The following PLCH1 variants were observed in gnomAD, a reference collection of about 807,000 sequenced individuals.
PLCH1 encodes the protein phospholipase C eta 1.
In PLCH1, 60 loss-of-function variants were observed where a neutral mutation model predicts 126.7. The ratio of observed to expected loss-of-function variants is 0.47; its 90% CI spans 0.38 to 0.59. The LOEUF (loss-of-function observed/expected upper bound fraction) is 0.59. PLCH1 is among the 20% of genes least tolerant of loss of function. PLCH1 has a pLI of 0.00. For synonymous variants in PLCH1, 719 were observed against 734.9 expected, an observed-to-expected ratio of 0.98 and a Z score of 0.35; for missense variants, 1,723 against 2,040.0, an observed-to-expected ratio of 0.84 and a Z score of 2.99.
At chr3:155,514,436 G>A (rs910415362) in intron 12 of PLCH1, among the ~76,000 whole-genome samples, 2 of 152,152 alleles carry the variant, frequency 1.3e-5, no homozygotes, top group Admixed American at 6.5e-5. Flanking sequence ...GACACAGTGG[G>A]CTGAAACTTC....
chr3:155,455,373 T>G (rs1017189139), intron 21 of PLCH1, among the ~76,000 whole-genome samples: 1 of 152,192 alleles, frequency 6.6e-6, no homozygotes, highest in Non-Finnish European at 1.5e-5. Context: ...TAGAAAATAG[T>G]CTTTCAGGTA....
chr3:155,646,288 A>C (rs936774156), intron 2 of PLCH1, among the ~76,000 whole-genome samples: 34 of 152,192 alleles, frequency 2.2e-4, no homozygotes, highest in African/African-American at 8.0e-4. Context: ...GACATCACCA[A>C]CCACCCACTG....
chr3:155,710,315 G>A (rs1214169961), intron 1 of PLCH1, among the ~76,000 whole-genome samples: 1 of 152,106 alleles, frequency 6.6e-6, no homozygotes, highest in Non-Finnish European at 1.5e-5. Flanking sequence ...TTAAAAAAAT[G>A]TATTTTGGAC....
At chr3:155,530,329 C>CT (rs764111486) in intron 10 of PLCH1, among the ~76,000 whole-genome samples, 4,030 of 142,782 alleles carry the variant, frequency 0.028, 60 homozygotes, top group Non-Finnish European at 0.04. Context: ...GGCTCCACTT[C>CT]TTTTTTTTTT....
At chr3:155,660,894 A>G (rs1403277992) in intron 2 of PLCH1, among the ~76,000 whole-genome samples, 1 of 152,246 alleles carries the variant, frequency 6.6e-6, no homozygotes, top group Non-Finnish European at 1.5e-5. Flanking sequence ...AAATTTACCA[A>G]ATAACAAAGG....
intron 1 of PLCH1, among the ~76,000 whole-genome samples, chr3:155,716,763 A>G (rs1232335345): frequency 2.0e-5 from 3 of 152,194 alleles, no homozygotes; most frequent in African/African-American, 4.8e-5. Flanking sequence ...TGGCCGGGAC[A>G]TGTATTCAAA....
In PLCH1 at chr3:155,505,959, G is replaced by C. The variant is rs547582789; in HGVS notation, c.1633-1333C>G. Among the ~76,000 whole-genome samples the C allele has an allele frequency of 5.3e-5, 8 of 151,252 alleles. No homozygotes were observed. The South Asian group carries it at 1.7e-3, about 32-fold the overall frequency. ...GTGAGTTCCTCTCTATTTCTAGTAG[G>C]GACTATGCCATTTATTATCCAAAAC... is the stretch of plus-strand genomic sequence containing the variant. On this transcript the variant is annotated intron_variant, in intron 12 of 22. Coordinates refer to ENST00000460012, the MANE Select transcript of PLCH1 (RefSeq NM_014996.4).
chr3:155,583,660 A>T lies in PLCH1; in HGVS notation c.601-18T>A. 6.5e-7 allele frequency: 1 copy of T among 1,528,380 alleles called. No homozygotes were observed. The highest frequency in any genetic ancestry group is 2.4e-5 in the Admixed American group (1 of 41,068). The allele number at this position is 1,528,380 out of a possible 1,614,324, so 94.7% of individuals were successfully genotyped here. On this transcript the variant is annotated intron_variant, in intron 5 of 22. Transcript: ENST00000460012. The stretch of plus-strand genomic sequence containing the variant: ...TCGGCTTCCTGAAAAGGGCATAGAG[A>T]AAATAAAGTAATATGAAAGTTAGAA...
intron 9 of PLCH1, among the ~76,000 whole-genome samples, chr3:155,553,024 T>TCCTTGGA (rs1433852461): frequency 6.6e-6 from 1 of 152,164 alleles, no homozygotes; most frequent in African/African-American, 2.4e-5. Flanking sequence ...GGGAGTAAGC[T>TCCTTGGA]CCTTAATGGC....
Position 155,513,612 on chromosome 3 carries a change from G to A in PLCH1, c.1632+1111C>T, listed in dbSNP as rs145835361. On this transcript the variant is annotated intron_variant, in intron 12 of 22. Transcript: ENST00000460012. ...GTGTTGAAAATAAATGGCTGGAGGC[G>A]AGGAGGGTGGAAAGATTGTTACTAT... 2.9e-3 allele frequency among the ~76,000 whole-genome samples: 448 copies of A among 152,314 alleles called. 3 individuals are homozygous for A. The highest frequency in any genetic ancestry group is 0.01 in the African/African-American group (420 of 41,566).
rs550049001 is a variant in PLCH1, at chr3:155,624,710, G to A, written c.80-28332C>T. 3.3e-5 allele frequency among the ~76,000 whole-genome samples: 5 copies of A among 152,248 alleles called. No individual in the cohort carries two copies. The South Asian group carries it at 8.3e-4, about 25-fold the overall frequency. On this transcript the variant is annotated intron_variant, in intron 2 of 22. Coordinates refer to ENST00000460012, the MANE Select transcript of PLCH1 (RefSeq NM_014996.4). Reference sequence around the variant, plus strand: ...GGGATGTGAAGGACCTCTTCAAGGAGAACTACAAACCACCGCTCAAGGAAA... The same window carrying A: ...GGGATGTGAAGGACCTCTTCAAGGAAAACTACAAACCACCGCTCAAGGAAA...
At chr3:155,584,371 T>C (rs1320207817) in intron 5 of PLCH1, among the ~76,000 whole-genome samples, 1 of 152,194 alleles carries the variant, frequency 6.6e-6, no homozygotes, top group Admixed American at 6.5e-5. Flanking sequence ...AAAGATAGAG[T>C]TGATGCTCTT....
At chr3:155,738,378 G>A (rs1052438811) in intron 1 of PLCH1, among the ~76,000 whole-genome samples, 1 of 152,110 alleles carries the variant, frequency 6.6e-6, no homozygotes, top group Non-Finnish European at 1.5e-5. Flanking sequence ...GTAGTGGCTC[G>A]TGCCTGTAAT....
chr3:155,575,362 G>A (rs1237664380), intron 6 of PLCH1, among the ~76,000 whole-genome samples: 1 of 152,106 alleles, frequency 6.6e-6, no homozygotes, highest in Non-Finnish European at 1.5e-5. Flanking sequence ...GGGTAAGGAA[G>A]GGAGAGGGCA....
At chr3:155,541,967 C>T (rs521073) in intron 10 of PLCH1, among the ~76,000 whole-genome samples, 83,523 of 152,146 alleles carry the variant, frequency 0.55, 27,742 homozygotes, top group Non-Finnish European at 0.75. Context: ...CGCAGAAGAC[C>T]GGTGATTTCT....
At chr3:155,672,446 C>T (rs1413513526) in intron 2 of PLCH1, among the ~76,000 whole-genome samples, 1 of 152,110 alleles carries the variant, frequency 6.6e-6, no homozygotes, top group Non-Finnish European at 1.5e-5. Flanking sequence ...CAGCCATATT[C>T]CACAATGTGA....
intron 2 of PLCH1, among the ~76,000 whole-genome samples, chr3:155,646,487 C>A (rs1281734112): frequency 6.6e-6 from 1 of 152,218 alleles, no homozygotes; most frequent in Non-Finnish European, 1.5e-5. Flanking sequence ...ACTCCAGCCT[C>A]CTCATTCCCA....
chr3:155,632,974 A>T (rs1049791850), intron 2 of PLCH1, among the ~76,000 whole-genome samples: 13 of 151,958 alleles, frequency 8.6e-5, no homozygotes, highest in Admixed American at 8.5e-4. Context: ...CCTACTACTA[A>T]CATTGCCAAT....
chr3:155,463,358 G>C (rs1447820998), intron 21 of PLCH1, among the ~76,000 whole-genome samples: 1 of 152,112 alleles, frequency 6.6e-6, no homozygotes, highest in African/African-American at 2.4e-5. Context: ...CCTCTACCAG[G>C]TGCTAAGTCT....
Sources: allele counts gnomAD v4.1 joint callset (sites outside exome capture counted in the v4.1 genomes callset), GRCh38; gene constraint gnomAD v4.1.1; transcripts MANE v1.5; gene names NCBI Gene and HGNC (gene_info 2026-07-23, HGNC 2026-07-21).